The following FGFR3 variants were observed in gnomAD, a reference collection of about 807,000 sequenced individuals.
The protein encoded by FGFR3 is FGFR-3.
FGFR3 carries 25 observed loss-of-function variants against 82.9 expected under a neutral mutation model. The ratio of observed to expected loss-of-function variants is 0.30; its 90% CI spans 0.22 to 0.42. The LOEUF (loss-of-function observed/expected upper bound fraction) is 0.42, where lower values mean the gene tolerates loss of function less well. FGFR3 is among the 10% of genes least tolerant of loss of function. The probability of loss-of-function intolerance (pLI) is 1.00; values close to 1 mark genes in which losing one functional copy is unlikely to be tolerated. For missense variants in FGFR3, 1,026 were observed against 1,161.0 expected (o/e 0.88, Z 1.69); for synonymous variants, 620 against 516.0 (o/e 1.20, Z -2.73).
chr4:1,805,892 C>T lies in FGFR3; in HGVS notation c.1788C>T (p.Ser596=), dbSNP rs1560441411. 1 of 1,612,426 alleles carries T rather than the reference C, an allele frequency of 6.2e-7. No individual in the cohort carries two copies. Among genetic ancestry groups the T allele is most frequent in the Non-Finnish European group, 8.5e-7 (1 of 1,179,486 alleles). The change falls in exon 13 of 18, where the codon TCC becomes TCT. Residue 596 remains serine, a synonymous_variant. Transcript: ENST00000440486. ...AGCTCACCTTCAAGGACCTGGTGTC[C>T]TGTGCCTACCAGGTGGCCCGGGGCA... The part of the protein sequence containing the change: ...EEQLTFKDLV[S]CAYQVARGME...
In FGFR3 at chr4:1,807,905, A is replaced by G. The variant is rs1269003188; in HGVS notation, c.*643A>G. 6 of 330,792 alleles carry G rather than the reference A, an allele frequency of 1.8e-5. No individual in the cohort carries two copies. Among genetic ancestry groups the G allele is most frequent in the African/African-American group, 1.1e-4 (5 of 47,292 alleles). The allele number at this position is 330,792 out of a possible 1,614,324, so 20.5% of individuals were successfully genotyped here. On this transcript the variant is annotated 3_prime_UTR_variant, in exon 18 of 18. Coordinates refer to ENST00000440486, the MANE Select transcript of FGFR3 (RefSeq NM_000142.5). Reference sequence around the variant, plus strand: ...TGCTGTGTATATGGTATATATACATATATATATATAACATATATGGAAGAG... The same window carrying G: ...TGCTGTGTATATGGTATATATACATGTATATATATAACATATATGGAAGAG...
chr4:1,800,952 G>C lies in FGFR3; in HGVS notation c.446-415G>C, dbSNP rs1721101658. Among the ~76,000 whole-genome samples the C allele has an allele frequency of 3.9e-5, 6 of 152,156 alleles. No individual in the cohort carries two copies. In the South Asian group the frequency reaches 1.0e-3, roughly 26 times the overall value. Reference sequence around the variant, plus strand: ...CCCATGCTGCCCAGCTGCCTCCAAGGCTCCTGGCTCTGCAGGCGACTGGGC... The same window carrying C: ...CCCATGCTGCCCAGCTGCCTCCAAGCCTCCTGGCTCTGCAGGCGACTGGGC... On this transcript the variant is annotated intron_variant, in intron 4 of 17. Coordinates refer to ENST00000440486, the MANE Select transcript of FGFR3 (RefSeq NM_000142.5).
At chr4:1,802,620 A>T (rs1432872959) in intron 7 of FGFR3, among the ~76,000 whole-genome samples, 1 of 152,194 alleles carries the variant, frequency 6.6e-6, no homozygotes. Context: ...GACCCCGCCC[A>T]GAGAGGCCGC....
chr4:1,803,298 G>C (rs987157381), intron 7 of FGFR3: 2 of 532,748 alleles, frequency 3.8e-6, no homozygotes, highest in African/African-American at 4.0e-5. Flanking sequence ...GGAGGTGCCC[G>C]GTGCCCACCG....
intron 4 of FGFR3, among the ~76,000 whole-genome samples, chr4:1,800,648 C>T (rs1721072949): frequency 6.6e-6 from 1 of 152,084 alleles, no homozygotes; most frequent in Admixed American, 6.5e-5. Context: ...GCCTCAGTGC[C>T]CCTGATGGGC....
At chr4:1,802,092 G>A (rs1186282321) in intron 7 of FGFR3, 67 bp downstream of exon 7, 1 of 1,533,832 alleles carries the variant, frequency 6.5e-7, no homozygotes, top group Non-Finnish European at 8.9e-7. Context: ...GGTGCCCCTT[G>A]GCTGCGGGTT....
In FGFR3 at chr4:1,803,717, A is replaced by G. The variant is rs775299111; in HGVS notation, c.956A>G (p.Lys319Arg). The G allele has an allele frequency of 1.2e-5, 19 of 1,613,470 alleles. No homozygotes were observed. The African/African-American group carries it at 1.9e-4, about 16-fold the overall frequency. The change falls in exon 8 of 18, where the codon AAG becomes AGG. Residue 319 changes from lysine (K) to arginine (R), a missense_variant. Transcript: ENST00000440486. Reference sequence around the variant, plus strand: ...ACGGCGGGCGCTAACACCACCGACAAGGAGCTAGAGGTTCTCTCCTTGCAC... The same window carrying G: ...ACGGCGGGCGCTAACACCACCGACAGGGAGCTAGAGGTTCTCTCCTTGCAC... ...LKTAGANTTD[K>R]ELEVLSLHNV...
intron 4 of FGFR3, 143 bp downstream of exon 4, chr4:1,799,955 A>G: frequency 2.2e-6 from 2 of 896,290 alleles, no homozygotes; most frequent in Non-Finnish European, 3.4e-6. Flanking sequence ...CCCTCAGGAT[A>G]CAGGAGGGGC....
In FGFR3 at chr4:1,808,375, T is replaced by C. The variant is rs1196225272; in HGVS notation, c.*1113T>C. 8.6e-6 allele frequency: 2 copies of C among 232,338 alleles called. No homozygotes were observed. Among genetic ancestry groups the C allele is most frequent in the Non-Finnish European group, 1.7e-5 (2 of 117,354 alleles). 14.4% of individuals were successfully genotyped at this position (232,338 alleles called of 1,614,324 possible). A position where few individuals can be genotyped will look rare whatever the true frequency, so the allele number is the denominator to read the frequency against. On this transcript the variant is annotated 3_prime_UTR_variant, in exon 18 of 18. Transcript: ENST00000440486. ...TCCTTTTTCAGGAGAATTAGATTTC[T>C]ATAGGATTTTTCTTTAGGAGATTTA...
At chr4:1,801,573 C>T (rs539467589) in intron 5 of FGFR3, 37 bp downstream of exon 5, 95 of 1,580,034 alleles carry the variant, frequency 6.0e-5, no homozygotes, top group African/African-American at 2.6e-4. Flanking sequence ...CTGGCAGGCG[C>T]GGTGGTTGCT....
chr4:1,798,594 C>T (rs1157101761), intron 2 of FGFR3, among the ~76,000 whole-genome samples: 2 of 151,842 alleles, frequency 1.3e-5, no homozygotes, highest in Non-Finnish European at 2.9e-5. Context: ...TGAACCCGCG[C>T]ATCGCCCCCC....
At chr4:1,804,678 T>C in intron 9 of FGFR3, 146 bp from the exon 10 acceptor site, 1 of 1,426,458 alleles carries the variant, frequency 7.0e-7, no homozygotes, top group Admixed American at 1.8e-5. Flanking sequence ...CCTAGGGTAC[T>C]TTGGGGCACG....
At chr4:1,794,125 AG>A in intron 2 of FGFR3, 82 bp downstream of exon 2, 1 of 784,426 alleles carries the variant, frequency 1.3e-6, no homozygotes, top group East Asian at 3.7e-5. Context: ...CCCGGGTCGG[AG>A]GGGCCGCCGG....
Position 1,804,890 on chromosome 4 carries a change from T to G in FGFR3, c.1333T>G (p.Ser445Ala). 2 of 1,549,860 alleles carry G rather than the reference T, an allele frequency of 1.3e-6. No homozygotes were observed. Among genetic ancestry groups the G allele is most frequent in the Non-Finnish European group, 1.7e-6 (2 of 1,146,906 alleles). Residue 445 changes from serine to alanine, a missense_variant, in exon 10 of 18, where the codon TCA (serine) becomes GCA (alanine). Physicochemically the swap from Ser to Ala is moderately conservative, Grantham distance 99 (BLOSUM62 1). Coordinates refer to ENST00000440486, the MANE Select transcript of FGFR3 (RefSeq NM_000142.5). ...TPLVRIARLS[S>A]GEGPTLANVS... ...ACTGGTGCGCATCGCAAGGCTGTCC[T>G]CAGGGGAGGGCCCCACGCTGGCCAA...
At chr4:1,798,826 C>T (rs1720842431) in intron 2 of FGFR3, among the ~76,000 whole-genome samples, 1 of 152,214 alleles carries the variant, frequency 6.6e-6, no homozygotes, top group Non-Finnish European at 1.5e-5. Flanking sequence ...GGCAGCCTGT[C>T]CCCTTTGCCC....
chr4:1,806,434 GT>G (rs1721929402), intron 15 of FGFR3, 107 bp downstream of exon 15: 2 of 1,605,236 alleles, frequency 1.2e-6, no homozygotes, highest in Non-Finnish European at 1.7e-6. Flanking sequence ...CCTGGGTGTG[GT>G]TTCTACCCCT....
At chr4:1,802,275 G>GC (rs1721289473) in intron 7 of FGFR3, among the ~76,000 whole-genome samples, 1 of 152,232 alleles carries the variant, frequency 6.6e-6, no homozygotes, top group Non-Finnish European at 1.5e-5. Flanking sequence ...ACATGGAGCT[G>GC]CCCACGGGCT....
chr4:1,795,174 G>T (rs1434555401), intron 2 of FGFR3, among the ~76,000 whole-genome samples: 3 of 152,130 alleles, frequency 2.0e-5, no homozygotes, highest in African/African-American at 7.2e-5. Flanking sequence ...TCAGCGGCGT[G>T]ACAGGGGCCG....
At position 1,807,152 on chromosome 4, in the gene FGFR3, T is replaced by A; in HGVS notation, c.2311T>A (p.Ser771Thr). The change falls in exon 18 of 18, where the codon TCC (serine) becomes ACC (threonine). Residue 771 changes from serine (S) to threonine (T), a missense_variant. Physicochemically the swap from Ser to Thr is moderately conservative, Grantham distance 58 (BLOSUM62 1). Coordinates refer to ENST00000440486, the MANE Select transcript of FGFR3 (RefSeq NM_000142.5). ...LDLSAPFEQY[S>T]PGGQDTPSSS... ...CCTGTCGGCGCCTTTCGAGCAGTAC[T>A]CCCCGGGTGGCCAGGACACCCCCAG... 6.3e-7 allele frequency: 1 copy of A among 1,598,734 alleles called. No homozygotes were observed. The highest frequency in any genetic ancestry group is 8.5e-7 in the Non-Finnish European group (1 of 1,173,408).
Sources: gnomAD v4.1 joint callset for allele counts (sites outside exome capture counted in the v4.1 genomes callset) on GRCh38, gnomAD v4.1.1 for gene constraint, MANE v1.5 for transcripts, NCBI Gene and HGNC (gene_info 2026-07-23, HGNC 2026-07-21) for gene names.